TPPP2: variants seen among roughly 807,000 people sequenced by gnomAD.
TPPP2 encodes tubulin polymerization promoting protein family member 2, also known as tubulin polymerization-promoting protein family member 2.
TPPP2 carries 8 observed loss-of-function variants against 13.0 expected under a neutral mutation model. That is an observed-to-expected ratio of 0.62 (90% CI 0.36 to 1.11). The LOEUF (loss-of-function observed/expected upper bound fraction) is 1.11, where lower values mean the gene tolerates loss of function less well. TPPP2 is among the 50% of genes most tolerant of loss of function. The pLI is 0.02. For missense variants in TPPP2, 213 were observed against 216.9 expected (o/e 0.98, Z 0.11); for synonymous variants, 81 against 81.8 (o/e 0.99, Z 0.05).
At chr14:21,027,770 A>G (rs1483124613), upstream of TPPP2, among the ~76,000 whole-genome samples, 3 of 152,352 alleles carry the variant, frequency 2.0e-5, no homozygotes, top group South Asian at 4.1e-4. Context: ...GCTGTGGCCC[A>G]CAGTCTAGAA....
intron 1 of TPPP2, chr14:21,024,875 GC>G: frequency 1.0e-6 from 1 of 985,662 alleles, no homozygotes; most frequent in Non-Finnish European, 1.2e-6. Flanking sequence ...AGCTCTTGGA[GC>G]CTCAGCCTTT....
chr14:21,030,543 G>C lies in TPPP2; in HGVS notation c.-39G>C. 6.3e-7 allele frequency: 1 copy of C among 1,599,680 alleles called. No homozygotes were observed. The highest frequency in any genetic ancestry group is 1.1e-5 in the South Asian group (1 of 88,054). On this transcript the variant is annotated 5_prime_UTR_variant, in exon 2 of 4. Coordinates refer to ENST00000321760, the MANE Select transcript of TPPP2 (RefSeq NM_173846.5). ...CCTCCCCCTTCTCCTTCACCCCCAAGTGTCTCCCACGACTGCCCTCCCCGA... is the reference window on the plus strand; with the variant it reads ...CCTCCCCCTTCTCCTTCACCCCCAACTGTCTCCCACGACTGCCCTCCCCGA...
chr14:21,035,478 G>A (rs549143321), downstream of TPPP2, among the ~76,000 whole-genome samples: 1 of 152,334 alleles, frequency 6.6e-6, no homozygotes, highest in African/African-American at 2.4e-5. Context: ...CCTGGAAACT[G>A]CTAGCTCTTG....
At chr14:21,025,609 G>GA, upstream of TPPP2, 2 of 985,468 alleles carry the variant, frequency 2.0e-6, no homozygotes, top group South Asian at 9.4e-5. The surrounding 1 kb of genome is among the most constrained non-coding windows in gnomAD (Gnocchi z 5.1). Flanking sequence ...TGCTGGCGCC[G>GA]AAAGGGGGCA....
chr14:21,025,154 C>A lies in TPPP2; in HGVS notation n.236+810C>A. On this transcript the variant is annotated intron_variant and non_coding_transcript_variant, in intron 1 of 1. Coordinates refer to the TPPP2 transcript ENST00000533755. The surrounding 1 kb of genome is among the most constrained non-coding windows in gnomAD (Gnocchi z 5.1). ...CCACGGGCGCTAGGCTCCCCGCAGA[C>A]CCGCCCCAGACCCCCAGTAAACACG... 1 of 960,124 alleles carries A rather than the reference C, an allele frequency of 1.0e-6. No individual in the cohort carries two copies. Among genetic ancestry groups the A allele is most frequent in the Middle Eastern group, 5.3e-4 (1 of 1,888 alleles). 59.5% of individuals were successfully genotyped at this position (960,124 alleles called of 1,614,324 possible).
At chr14:21,025,379 C>T (rs1883368256), upstream of TPPP2, 1 of 985,662 alleles carries the variant, frequency 1.0e-6, no homozygotes, top group East Asian at 1.1e-4. The surrounding 1 kb of genome is among the most constrained non-coding windows in gnomAD (Gnocchi z 5.1). Context: ...CCCTCAGCAC[C>T]GCCCCATCCA....
chr14:21,024,855 C>T (rs946513190), intron 1 of TPPP2: 3 of 985,638 alleles, frequency 3.0e-6, no homozygotes, highest in African/African-American at 3.5e-5. Context: ...GCACCCCAAA[C>T]ACGCCCTGCA....
At position 21,031,882 on chromosome 14, in the gene TPPP2, T is replaced by A. The variant is rs1289088167; in HGVS notation, c.328-10T>A. 6.2e-7 allele frequency: 1 copy of A among 1,611,252 alleles called. No homozygotes were observed. The highest frequency in any genetic ancestry group is 8.5e-7 in the Non-Finnish European group (1 of 1,177,878). ...AAGGAAGAGAGCTCAAATCCATCCC[T>A]GGCTTGCAGAAAGCAACAACAGTGG... On this transcript the variant is annotated splice_polypyrimidine_tract_variant and intron_variant, in intron 3 of 3. Transcript: ENST00000321760.
chr14:21,025,616 G>A (rs974684965), upstream of TPPP2: 3 of 985,408 alleles, frequency 3.0e-6, no homozygotes, highest in African/African-American at 1.7e-5. The surrounding 1 kb of genome is among the most constrained non-coding windows in gnomAD (Gnocchi z 5.1). Context: ...GCCGAAAGGG[G>A]GCACGGGGGA....
At chr14:21,034,086 C>T (rs922146878), downstream of TPPP2, 1 of 1,614,168 alleles carries the variant, frequency 6.2e-7, no homozygotes. Context: ...GATCTTTGGG[C>T]AATCTGAATT....
chr14:21,024,989 C>T, intron 1 of TPPP2: 2 of 985,694 alleles, frequency 2.0e-6, no homozygotes, highest in Non-Finnish European at 2.4e-6. Context: ...CGGCTGGCGC[C>T]TTCCAGGCCC....
At chr14:21,032,846 T>G (rs1019424735), downstream of TPPP2, 4 of 423,036 alleles carry the variant, frequency 9.5e-6, no homozygotes, top group Non-Finnish European at 1.9e-5. Flanking sequence ...TATTTTGAAT[T>G]GATTATGGGT....
At chr14:21,028,156 T>A (rs1015460174), upstream of TPPP2, among the ~76,000 whole-genome samples, 22 of 152,200 alleles carry the variant, frequency 1.4e-4, no homozygotes, top group Non-Finnish European at 2.8e-4. Context: ...CACTCCCAAG[T>A]AGCCTGTCAA....
At chr14:21,034,398 C>A, downstream of TPPP2, 1 of 771,520 alleles carries the variant, frequency 1.3e-6, no homozygotes, top group South Asian at 1.8e-5. Context: ...CTTTAGAGAT[C>A]ATCTCACCCA....
At chr14:21,035,677 A>G (rs1042514933), downstream of TPPP2, 9 of 432,878 alleles carry the variant, frequency 2.1e-5, no homozygotes, top group Non-Finnish European at 4.2e-5. Context: ...AGAGAGAAAG[A>G]TTGGTGTTCC....
intron 1 of TPPP2, chr14:21,024,725 C>T (rs1882834485): frequency 1.2e-5 from 12 of 985,442 alleles, no homozygotes; most frequent in Non-Finnish European, 1.4e-5. Flanking sequence ...CAGAGGAGAC[C>T]GGCCGGGCCC....
downstream of TPPP2, chr14:21,035,977 C>G: frequency 2.6e-6 from 1 of 386,312 alleles, no homozygotes; most frequent in Non-Finnish European, 5.1e-6. Context: ...GTTTACGAAA[C>G]CACTGAAAGC....
At chr14:21,036,207 G>A (rs536979745), downstream of TPPP2, 113 of 456,174 alleles carry the variant, frequency 2.5e-4, no homozygotes, top group South Asian at 1.1e-3. Flanking sequence ...CTCTCGTCTC[G>A]CCTGGACAGC....
chr14:21,031,375 A>C, intron 3 of TPPP2: 1 of 570,308 alleles, frequency 1.8e-6, no homozygotes, highest in Non-Finnish European at 2.9e-6. Context: ...TAGTAGATTT[A>C]GACTAATTTC....
Sources: gnomAD v4.1 joint callset for allele counts (sites outside exome capture counted in the v4.1 genomes callset) on GRCh38, gnomAD v4.1.1 for gene constraint, Gnocchi (gnomAD v3.1) non-coding constraint, MANE v1.5 for transcripts, NCBI Gene and HGNC (gene_info 2026-07-23, HGNC 2026-07-21) for gene names.